Variants in GCA observed in about 807,000 individuals in gnomAD.
GCA encodes grancalcin, EF-hand calcium-binding protein.
In GCA, 30 loss-of-function variants were observed where a neutral mutation model predicts 32.6. The ratio of observed to expected loss-of-function variants is 0.92; its 90% CI spans 0.69 to 1.25. The LOEUF (loss-of-function observed/expected upper bound fraction) is 1.25. Ranked by LOEUF, GCA falls within the 50% of genes most tolerant of loss-of-function variation. The probability of loss-of-function intolerance (pLI) is 0.00; values close to 1 mark genes in which losing one functional copy is unlikely to be tolerated. For synonymous variants in GCA, 102 were observed against 84.6 expected (o/e 1.21, Z -1.13); for missense variants, 291 against 266.8 (o/e 1.09, Z -0.63).
chr2:162,352,603 C>G (rs1471528244), intron 3 of GCA, among the ~76,000 whole-genome samples, 196 bp downstream of exon 3: 1 of 152,108 alleles, frequency 6.6e-6, no homozygotes, highest in Admixed American at 6.5e-5. Flanking sequence ...ATTAACTGCT[C>G]ATAGAGGACA....
At chr2:162,323,216 G>A (rs1683747478) in intron 1 of GCA, among the ~76,000 whole-genome samples, 2 of 151,900 alleles carry the variant, frequency 1.3e-5, no homozygotes, top group Non-Finnish European at 2.9e-5. Context: ...CTTTTGACAA[G>A]TGTCTGTTCA....
At chr2:162,373,577 T>C (rs1220724599), downstream of GCA, 3 of 1,590,794 alleles carry the variant, frequency 1.9e-6, no homozygotes, top group Middle Eastern at 1.7e-4. Flanking sequence ...GCTGTTACCA[T>C]ACTGTAGGCT....
intron 1 of GCA, among the ~76,000 whole-genome samples, chr2:162,329,643 A>C (rs977698146): frequency 2.7e-5 from 4 of 150,808 alleles, no homozygotes; most frequent in Non-Finnish European, 5.9e-5. Context: ...TAGGGATCAA[A>C]ATTTTTTATT....
At chr2:162,318,965 A>C (rs1210351904), upstream of GCA, 1 of 341,338 alleles carries the variant, frequency 2.9e-6, no homozygotes, top group East Asian at 7.7e-5. Context: ...TGCAGGGCAT[A>C]AAAGCATGTG....
intron 1 of GCA, 57 bp downstream of exon 1, chr2:162,344,332 G>A (rs1684567880): frequency 4.5e-6 from 7 of 1,567,616 alleles, no homozygotes; most frequent in Admixed American, 1.7e-5. Context: ...GCGCCCCCGG[G>A]GGCGGTGCCA....
At chr2:162,348,874 A>G (rs1045886654) in intron 2 of GCA, among the ~76,000 whole-genome samples, 4 of 152,252 alleles carry the variant, frequency 2.6e-5, no homozygotes, top group Middle Eastern at 3.4e-3. Context: ...TGACAGAAGT[A>G]TTGAGTAAAT....
intron 1 of GCA, among the ~76,000 whole-genome samples, chr2:162,328,510 G>A (rs1306130022): frequency 6.6e-6 from 1 of 152,182 alleles, no homozygotes; most frequent in Non-Finnish European, 1.5e-5. Flanking sequence ...TCCCGGGTGA[G>A]CCCCCAGTTG....
intron 7 of GCA, among the ~76,000 whole-genome samples, chr2:162,359,766 T>G (rs1437019661): frequency 6.6e-6 from 1 of 151,224 alleles, no homozygotes; most frequent in Non-Finnish European, 1.5e-5. Context: ...TGCTTTTCAA[T>G]TTTTATGACA....
At chr2:162,367,060 T>G (rs1004720392), downstream of GCA, among the ~76,000 whole-genome samples, 3 of 151,926 alleles carry the variant, frequency 2.0e-5, no homozygotes, top group Non-Finnish European at 4.4e-5. Context: ...TACAAAGCAT[T>G]TCTACTTATA....
Position 162,360,741 on chromosome 2 carries a change from A to T in GCA, c.*498A>T. 2.1e-6 allele frequency: 3 copies of T among 1,401,140 alleles called. No individual in the cohort carries two copies. The highest frequency in any genetic ancestry group is 2.8e-6 in the Non-Finnish European group (3 of 1,079,264). The allele number at this position is 1,401,140 out of a possible 1,614,324, so 86.8% of individuals were successfully genotyped here. A position where few individuals can be genotyped will look rare whatever the true frequency, so the allele number is the denominator to read the frequency against. ...ATATAGTTTGTTCCTTGATCAAATA[A>T]TCAGAGAAAAGAAACTTAAAGATCT... On this transcript the variant is annotated 3_prime_UTR_variant, in exon 8 of 8. Transcript: ENST00000437150.
chr2:162,334,758 CT>C (rs1684210394), intron 1 of GCA, among the ~76,000 whole-genome samples: 1 of 152,116 alleles, frequency 6.6e-6, no homozygotes, highest in Non-Finnish European at 1.5e-5. Flanking sequence ...TAGTGTAGAG[CT>C]TGGCACACAG....
intron 4 of GCA, among the ~76,000 whole-genome samples, chr2:162,370,590 AGT>A (rs1685897260): frequency 6.6e-6 from 1 of 152,088 alleles, no homozygotes. Flanking sequence ...AATTGGCAAA[AGT>A]GTTGGAATAA....
At chr2:162,323,445 G>A (rs895410060) in intron 1 of GCA, among the ~76,000 whole-genome samples, 5 of 151,870 alleles carry the variant, frequency 3.3e-5, no homozygotes, top group African/African-American at 1.2e-4. Context: ...GGCTTTTGTT[G>A]CCATTGCTTT....
chr2:162,355,180 C>T (rs1311736378), intron 3 of GCA, among the ~76,000 whole-genome samples: 1 of 152,080 alleles, frequency 6.6e-6, no homozygotes, highest in African/African-American at 2.4e-5. Flanking sequence ...CCAGTTTCTT[C>T]CTTTTTTACA....
chr2:162,359,361 C>G, intron 6 of GCA, 133 bp from the exon 7 acceptor site: 1 of 589,742 alleles, frequency 1.7e-6, no homozygotes, highest in African/African-American at 1.9e-5. Flanking sequence ...TCTCATATCT[C>G]TGTTGCCAGG....
intron 3 of GCA, among the ~76,000 whole-genome samples, chr2:162,354,201 T>C (rs1260096885): frequency 6.6e-6 from 1 of 152,216 alleles, no homozygotes; most frequent in Non-Finnish European, 1.5e-5. Context: ...ACTAAATTGC[T>C]GATTAGAAGC....
At chr2:162,328,698 T>C (rs112606715) in intron 1 of GCA, among the ~76,000 whole-genome samples, 3,816 of 152,324 alleles carry the variant, frequency 0.025, 162 homozygotes, top group African/African-American at 0.086. Flanking sequence ...TATCTATAGA[T>C]GGCTTGTGTT....
chr2:162,326,255 C>T (rs1222695421), intron 1 of GCA, among the ~76,000 whole-genome samples: 1 of 152,172 alleles, frequency 6.6e-6, no homozygotes, highest in African/African-American at 2.4e-5. Context: ...CTCAAGTCTA[C>T]AGAAAAGTTC....
chr2:162,361,335 G>T lies in GCA; in HGVS notation c.*1092G>T. On this transcript the variant is annotated 3_prime_UTR_variant, in exon 8 of 8. Coordinates refer to ENST00000437150, the MANE Select transcript of GCA (RefSeq NM_012198.5). ...TTAGTGTTTAATATCCCTGGTATAA[G>T]ATGTTATAATTAATGTAATTTCTTT... The T allele has an allele frequency of 2.0e-6, 2 of 983,254 alleles. No homozygotes were observed. Among genetic ancestry groups the T allele is most frequent in the Non-Finnish European group, 2.4e-6 (2 of 828,144 alleles). 60.9% of individuals were successfully genotyped at this position (983,254 alleles called of 1,614,324 possible).
Sources: gnomAD v4.1 joint callset for allele counts (sites outside exome capture counted in the v4.1 genomes callset) on GRCh38, gnomAD v4.1.1 for gene constraint, MANE v1.5 for transcripts, NCBI Gene and HGNC (gene_info 2026-07-23, HGNC 2026-07-21) for gene names.